DSP: variants seen among roughly 807,000 people sequenced by gnomAD.
DSP encodes desmoplakin.
In DSP, 114 loss-of-function variants were observed where a neutral mutation model predicts 290.6. That is an observed-to-expected ratio of 0.39 (90% CI 0.34 to 0.46). The LOEUF (loss-of-function observed/expected upper bound fraction) is 0.46, where lower values mean the gene tolerates loss of function less well. DSP is among the 20% of genes least tolerant of loss of function. The pLI, the probability that DSP is intolerant of heterozygous loss-of-function variation, is 0.99. For missense variants in DSP, 3,230 were observed against 3,495.8 expected (o/e 0.92, Z 1.92); for synonymous variants, 1,311 against 1,316.4 (o/e 1.00, Z 0.09).
Position 7,573,807 on chromosome 6 carries a change from T to C in DSP, c.2131-279T>C, listed in dbSNP as rs546293016. On this transcript the variant is annotated intron_variant, in intron 15 of 23. Transcript: ENST00000379802. ...TGTAAAGGATACAAACTTGCATTTG[T>C]GTGGGATGAATAAATCTAGAGATCT... is the stretch of plus-strand genomic sequence containing the variant. Among the ~76,000 whole-genome samples the C allele has an allele frequency of 2.0e-5, 3 of 152,214 alleles. No individual in the cohort carries two copies. The South Asian group carries it at 6.2e-4, about 32-fold the overall frequency.
At chr6:7,549,377 G>A (rs1487022075) in intron 1 of DSP, among the ~76,000 whole-genome samples, 2 of 152,166 alleles carry the variant, frequency 1.3e-5, no homozygotes, top group South Asian at 2.1e-4. Flanking sequence ...TGGAACTCCC[G>A]ACCTCAGGTG....
In DSP at chr6:7,567,763, C is replaced by A; in HGVS notation, c.1141-18C>A. On this transcript the variant is annotated intron_variant, in intron 9 of 23. Coordinates refer to ENST00000379802, the MANE Select transcript of DSP (RefSeq NM_004415.4). Reference sequence around the variant, plus strand: ...ATTGAGTTGCTGTTCATTCACTGATCACTCTCATCCTTCACAGTTTTTTGA... The same window carrying A: ...ATTGAGTTGCTGTTCATTCACTGATAACTCTCATCCTTCACAGTTTTTTGA... The A allele has an allele frequency of 1.2e-6, 2 of 1,613,710 alleles. No homozygotes were observed. Among genetic ancestry groups the A allele is most frequent in the South Asian group, 2.2e-5 (2 of 90,942 alleles).
Position 7,541,850 on chromosome 6 carries a change from T to C in DSP, c.-66T>C. On this transcript the variant is annotated 5_prime_UTR_variant, in exon 1 of 24. Coordinates refer to ENST00000379802, the MANE Select transcript of DSP (RefSeq NM_004415.4). ...TCCGCCTATCCTTGGCCCCCTCCGC[T>C]TTCTCCGCGCCGGCCCGCCTCGCTT... 10 of 1,538,114 alleles carry C rather than the reference T, an allele frequency of 6.5e-6. No individual in the cohort carries two copies. In the South Asian group the frequency reaches 1.1e-4, roughly 17 times the overall value.
chr6:7,583,955 C>T lies in DSP; in HGVS notation c.6693C>T (p.Ser2231=), dbSNP rs1273491714. 1 of 1,614,026 alleles carries T rather than the reference C, an allele frequency of 6.2e-7. No homozygotes were observed. The highest frequency in any genetic ancestry group is 2.2e-5 in the East Asian group (1 of 44,894). ...ELVDSGILRP[S]TVNELESGQI... ...TAGATTCTGGTATATTGAGACCGTCCACTGTCAATGAACTGGAATCTGGTC... is the reference window on the plus strand; with the variant it reads ...TAGATTCTGGTATATTGAGACCGTCTACTGTCAATGAACTGGAATCTGGTC... Residue 2231 remains serine, a synonymous_variant, in exon 24 of 24, where the codon TCC becomes TCT. Coordinates refer to ENST00000379802, the MANE Select transcript of DSP (RefSeq NM_004415.4). The surrounding 1 kb of genome is among the most constrained non-coding windows in gnomAD (Gnocchi z 4.0).
chr6:7,582,732 C>A lies in DSP; in HGVS notation c.5470C>A (p.Gln1824Lys). 1 of 1,613,472 alleles carries A rather than the reference C, an allele frequency of 6.2e-7. No homozygotes were observed. The highest frequency in any genetic ancestry group is 8.5e-7 in the Non-Finnish European group (1 of 1,179,712). ...TCTGGTGAAAATCAAAGTCCTGGAG[C>A]AAGACAAGGCAAGGCTGCAGAGGCT... is the stretch of plus-strand genomic sequence containing the variant. ...SLLVKIKVLE[Q>K]DKARLQRLED... Residue 1824 changes from glutamine to lysine, a missense_variant, in exon 24 of 24, where the codon CAA becomes AAA. Physicochemically the swap from Gln to Lys is moderately conservative, Grantham distance 53. Transcript: ENST00000379802. This position sits in a 1 kb window ranked among gnomAD's most constrained non-coding sequence, Gnocchi z 4.2.
Position 7,585,761 on chromosome 6 carries a change from T to C in DSP, c.8499T>C (p.Ser2833=), listed in dbSNP as rs1468666445. 1.2e-6 allele frequency: 2 copies of C among 1,607,512 alleles called. No individual in the cohort carries two copies. Among genetic ancestry groups the C allele is most frequent in the East Asian group, 2.2e-5 (1 of 44,822 alleles). ...CCCGCTCCGGCTCCCGCTCGGGATC[T>C]CGCTCCGGATCTCGCTCCGGGTCCC... ...PGSRSGSRSG[S]RSGSRSGSRS... The change falls in exon 24 of 24, where the codon TCT becomes TCC. Residue 2833 remains serine, a synonymous_variant. Transcript: ENST00000379802.
rs779783022 is a variant in DSP at position 7,565,136 on chromosome 6, G to A, written c.778-223G>A. Among the ~76,000 whole-genome samples, 3 of 151,768 alleles carry A rather than the reference G, an allele frequency of 2.0e-5. No homozygotes were observed. The highest frequency in any genetic ancestry group is 2.1e-4 in the South Asian group (1 of 4,816). On this transcript the variant is annotated intron_variant, in intron 6 of 23. Transcript: ENST00000379802. This position sits in a 1 kb window ranked among gnomAD's most constrained non-coding sequence, Gnocchi z 4.2. ...GCACTCCAGCCTGGGAGACGAGAGC[G>A]ACAGTCCGTCTCAAAAAAAAAAAAG... is the stretch of plus-strand genomic sequence containing the variant.
chr6:7,585,993 CT>C lies in DSP; in HGVS notation c.*117del. On this transcript the variant is annotated 3_prime_UTR_variant, in exon 24 of 24. Transcript: ENST00000379802. ...CAGTAGAGTGATAGGACATTCTATG[CT>C]TACAGAAAATATAGCCATGATTGAA... 1 of 1,075,248 alleles carries C rather than the reference CT, an allele frequency of 9.3e-7. No individual in the cohort carries two copies. The highest frequency in any genetic ancestry group is 1.4e-6 in the Non-Finnish European group (1 of 724,362). 66.6% of individuals were successfully genotyped at this position (1,075,248 alleles called of 1,614,324 possible).
intron 11 of DSP, among the ~76,000 whole-genome samples, 172 bp from the exon 12 acceptor site, chr6:7,569,014 T>G (rs537979715): frequency 1.3e-5 from 2 of 152,362 alleles, no homozygotes; most frequent in East Asian, 3.9e-4. Flanking sequence ...CTCACATGTA[T>G]TATTTAAAGC....
Position 7,581,111 on chromosome 6 carries a change from G to C in DSP, c.4921G>C (p.Asp1641His). The change falls in exon 23 of 24, where the codon GAT becomes CAT. Residue 1641 changes from aspartate (D) to histidine (H), a missense_variant. By Grantham distance (81) the Asp-to-His change is moderately conservative (BLOSUM62 -1). Coordinates refer to ENST00000379802, the MANE Select transcript of DSP (RefSeq NM_004415.4). The part of the protein sequence containing the change: ...DDLRQQRDVL[D>H]GHLREKQRTQ... ...CCTCCGGCAGCAGAGGGACGTGCTGGATGGCCACCTGAGGGAAAAGCAGAG... is the reference window on the plus strand; with the variant it reads ...CCTCCGGCAGCAGAGGGACGTGCTGCATGGCCACCTGAGGGAAAAGCAGAG... The C allele has an allele frequency of 6.2e-7, 1 of 1,614,106 alleles. No homozygotes were observed. Among genetic ancestry groups the C allele is most frequent in the Non-Finnish European group, 8.5e-7 (1 of 1,180,030 alleles).
intron 1 of DSP, among the ~76,000 whole-genome samples, chr6:7,550,692 A>C (rs933880756): frequency 3.3e-5 from 5 of 152,282 alleles, no homozygotes; most frequent in Non-Finnish European, 7.4e-5. Flanking sequence ...AAGAGTTAAA[A>C]ACTTTTAAGG....
In DSP at chr6:7,579,709, G is replaced by T. The variant is rs2113691963; in HGVS notation, c.3519G>T (p.Arg1173Ser). 1 of 1,613,730 alleles carries T rather than the reference G, an allele frequency of 6.2e-7. No homozygotes were observed. The highest frequency in any genetic ancestry group is 2.2e-5 in the East Asian group (1 of 44,842). Residue 1173 changes from arginine (R) to serine (S), a missense_variant, in exon 23 of 24, where the codon AGG becomes AGT. By Grantham distance (110) the Arg-to-Ser change is moderately radical. Transcript: ENST00000379802. The surrounding 1 kb of genome is among the most constrained non-coding windows in gnomAD (Gnocchi z 4.1). ...AGGAGAAGGAGTACGAGATTGAAAG[G>T]TTGAGGGTTCTACTGCAGGAAGAAG... is the stretch of plus-strand genomic sequence containing the variant. Reference protein sequence around the residue: ...AIKEKEYEIERLRVLLQEEGT... With the variant: ...AIKEKEYEIESLRVLLQEEGT...
chr6:7,579,190 T>G lies in DSP; in HGVS notation c.3085-85T>G. On this transcript the variant is annotated intron_variant, in intron 22 of 23. Coordinates refer to ENST00000379802, the MANE Select transcript of DSP (RefSeq NM_004415.4). The surrounding 1 kb of genome is among the most constrained non-coding windows in gnomAD (Gnocchi z 4.1). ...GTGTAAAGAGAAATAAGAATGCACA[T>G]TGGTCTGGGAGGGGAAAAGTACTGC... 2.6e-6 allele frequency: 4 copies of G among 1,551,472 alleles called. No homozygotes were observed. The highest frequency in any genetic ancestry group is 2.3e-5 in the South Asian group (2 of 85,764).
chr6:7,583,400 C>T lies in DSP; in HGVS notation c.6138C>T (p.Val2046=). The T allele has an allele frequency of 1.9e-6, 3 of 1,614,178 alleles. No homozygotes were observed. Among genetic ancestry groups the T allele is most frequent in the Non-Finnish European group, 2.5e-6 (3 of 1,180,046 alleles). The change falls in exon 24 of 24, where the codon GTC becomes GTT. Residue 2046 remains valine (V), a synonymous_variant. Coordinates refer to ENST00000379802, the MANE Select transcript of DSP (RefSeq NM_004415.4). This position sits in a 1 kb window ranked among gnomAD's most constrained non-coding sequence, Gnocchi z 4.0. ...RKKLISPEST[V]MLLEAQAATG... ...AATTAATCAGCCCAGAATCCACAGTCATGCTTCTGGAGGCCCAGGCAGCTA... is the reference window on the plus strand; with the variant it reads ...AATTAATCAGCCCAGAATCCACAGTTATGCTTCTGGAGGCCCAGGCAGCTA...
rs757394666 is a variant in DSP, at chr6:7,584,814, G to A, written c.7552G>A (p.Val2518Ile). ...ITGSDGSTRV[V>I]LVDRKTGSQY... ...GGGATCAGATGGCTCCACCAGGGTGGTCCTGGTAGATAGAAAGACAGGCAG... is the reference window on the plus strand; with the variant it reads ...GGGATCAGATGGCTCCACCAGGGTGATCCTGGTAGATAGAAAGACAGGCAG... The change falls in exon 24 of 24, where the codon GTC (valine) becomes ATC (isoleucine). Residue 2518 changes from valine (V) to isoleucine (I), a missense_variant. Val to Ile is a conservative substitution (Grantham distance 29, BLOSUM62 3). Transcript: ENST00000379802. The surrounding 1 kb of genome is among the most constrained non-coding windows in gnomAD (Gnocchi z 6.4). 35 of 1,614,078 alleles carry A rather than the reference G, an allele frequency of 2.2e-5. No homozygotes were observed. The highest frequency in any genetic ancestry group is 1.8e-4 in the Admixed American group (11 of 60,016).
Position 7,543,393 on chromosome 6 carries a change from C to CTTT in DSP, c.170+1328_170+1330dup, listed in dbSNP as rs397886749. On this transcript the variant is annotated intron_variant, in intron 1 of 23. Transcript: ENST00000379802. ...GGGGCATCCTGAAAATCTATTTTCGCTTTTTTTTTTTTTTTTTTTTTTGAG... is the reference window on the plus strand; with the variant it reads ...GGGGCATCCTGAAAATCTATTTTCGCTTTTTTTTTTTTTTTTTTTTTTTTTGAG... 3.0e-3 allele frequency among the ~76,000 whole-genome samples: 244 copies of CTTT among 80,012 alleles called. 1 individual carries two copies. The highest frequency in any genetic ancestry group is 0.01 in the African/African-American group (211 of 20,664). The allele number at this position is 80,012 out of a possible 152,430, so 52.5% of individuals were successfully genotyped here. A position where few individuals can be genotyped will look rare whatever the true frequency, so the allele number is the denominator to read the frequency against.
At chr6:7,556,472 A>G (rs78817261) in intron 2 of DSP, among the ~76,000 whole-genome samples, 3,433 of 152,256 alleles carry the variant, frequency 0.023, 125 homozygotes, top group African/African-American at 0.079. Flanking sequence ...AGAATAGAGA[A>G]TGGTGGGGCC....
rs761836378 is a variant in DSP at position 7,541,878 on chromosome 6, G to A, written c.-38G>A. Reference sequence around the variant, plus strand: ...CTCCGCGCCGGCCCGCCTCGCTTATGCCTCGGCGCTGAGCCGCTCTCCCGA... The same window carrying A: ...CTCCGCGCCGGCCCGCCTCGCTTATACCTCGGCGCTGAGCCGCTCTCCCGA... On this transcript the variant is annotated 5_prime_UTR_variant, in exon 1 of 24. It removes an upstream start codon present in the reference 5' UTR. Coordinates refer to ENST00000379802, the MANE Select transcript of DSP (RefSeq NM_004415.4). 4 of 1,587,308 alleles carry A rather than the reference G, an allele frequency of 2.5e-6. No homozygotes were observed. The highest frequency in any genetic ancestry group is 4.6e-5 in the East Asian group (2 of 43,544).
In DSP at chr6:7,582,586, AATATG is replaced by A; in HGVS notation, c.5380-48_5380-44del. 6 of 1,437,412 alleles carry A rather than the reference AATATG, an allele frequency of 4.2e-6. No individual in the cohort carries two copies. The South Asian group carries it at 5.8e-5, about 14-fold the overall frequency. 89.0% of individuals were successfully genotyped at this position (1,437,412 alleles called of 1,614,324 possible). On this transcript the variant is annotated intron_variant, in intron 23 of 23. Transcript: ENST00000379802. The surrounding 1 kb of genome is among the most constrained non-coding windows in gnomAD (Gnocchi z 4.2). Reference sequence around the variant, plus strand: ...CAAAAGAAAGTTAAGTCGTGATAGTAATATGATATGATTCAAAACATTATTTTTTC... The same window carrying A: ...CAAAAGAAAGTTAAGTCGTGATAGTAATATGATTCAAAACATTATTTTTTC...
Sources: allele counts gnomAD v4.1 joint callset (sites outside exome capture counted in the v4.1 genomes callset), GRCh38; gene constraint gnomAD v4.1.1; non-coding constraint Gnocchi (gnomAD v3.1); transcripts MANE v1.5; gene names NCBI Gene and HGNC (gene_info 2026-07-23, HGNC 2026-07-21).